Variants in P2RX6 observed in about 807,000 individuals in gnomAD.
P2RX6 encodes the protein P2X purinoceptor 6.
A neutral mutation model predicts 54.2 loss-of-function variants in P2RX6; 62 were observed. The observed-to-expected ratio is 1.14, with a 90% CI of 0.93 to 1.41. The LOEUF is 1.41. Among genes scored for constraint, P2RX6 ranks in the 40% most tolerant of loss-of-function variants. The pLI is 0.00. For synonymous variants in P2RX6, 211 were observed against 231.9 expected (o/e 0.91, Z 0.82); for missense variants, 541 against 566.3 (o/e 0.96, Z 0.45).
At chr22:21,012,603 G>C, upstream of P2RX6, 2 of 606,096 alleles carry the variant, frequency 3.3e-6, no homozygotes, top group Non-Finnish European at 6.2e-6. Flanking sequence ...TGTCCCAAAA[G>C]TTCAGCCACT....
At chr22:21,015,059 G>A, upstream of P2RX6, 4 of 594,448 alleles carry the variant, frequency 6.7e-6, no homozygotes, top group African/African-American at 2.0e-5. Flanking sequence ...GGGTGTTGGA[G>A]GCTGGATCTG....
intron 8 of P2RX6, among the ~76,000 whole-genome samples, chr22:21,024,598 C>T (rs956962997): frequency 2.1e-5 from 3 of 144,746 alleles, no homozygotes; most frequent in Admixed American, 6.9e-5. Context: ...ACGGAGTTTT[C>T]ACTTTCTTGT....
Position 21,022,745 on chromosome 22 carries a change from A to T in P2RX6, c.457A>T (p.Ser153Cys). 1 of 1,569,288 alleles carries T rather than the reference A, an allele frequency of 6.4e-7. No homozygotes were observed. Among genetic ancestry groups the T allele is most frequent in the Non-Finnish European group, 8.6e-7 (1 of 1,159,620 alleles). The change falls in exon 4 of 12, where the codon AGC becomes TGC. Residue 153 changes from serine to cysteine, a missense_variant. By Grantham distance (112) the Ser-to-Cys change is moderately radical. This residue lies in a region of P2RX6 where 526 missense variants were observed against 531.5 expected (regional missense o/e 0.99). Coordinates refer to ENST00000413302, the MANE Select transcript of P2RX6 (RefSeq NM_005446.5). ...CCCCGAAGGGGAGGGAGGCACACACAGCCACGGTAACTGTGGGCTCTGTCT... is the reference window on the plus strand; with the variant it reads ...CCCCGAAGGGGAGGGAGGCACACACTGCCACGGTAACTGTGGGCTCTGTCT... ...DCPEGEGGTH[S>C]HGVKTGQCVV...
Position 21,027,665 on chromosome 22 carries a change from G to A in P2RX6, c.*1048G>A, listed in dbSNP as rs1928680462. 1 of 152,250 alleles carries A rather than the reference G, an allele frequency of 6.6e-6. No homozygotes were observed. Among genetic ancestry groups the A allele is most frequent in the African/African-American group, 2.4e-5 (1 of 41,378 alleles). 9.4% of individuals were successfully genotyped at this position (152,250 alleles called of 1,614,324 possible). A position where few individuals can be genotyped will look rare whatever the true frequency, so the allele number is the denominator to read the frequency against. On this transcript the variant is annotated 3_prime_UTR_variant, in exon 12 of 12. Coordinates refer to ENST00000413302, the MANE Select transcript of P2RX6 (RefSeq NM_005446.5). ...CTCCTCTTGGTCCCAGGGCGGGGCA[G>A]GGAATTCTAAGTGTCCACCCCAGGG...
chr22:21,019,172 G>C (rs1294153150), intron 3 of P2RX6, among the ~76,000 whole-genome samples: 1 of 152,212 alleles, frequency 6.6e-6, no homozygotes, highest in African/African-American at 2.4e-5. Flanking sequence ...CTTTAGGCAA[G>C]TCCAACATTT....
At chr22:21,012,314 G>T (rs1006737037), upstream of P2RX6, among the ~76,000 whole-genome samples, 4 of 152,156 alleles carry the variant, frequency 2.6e-5, no homozygotes, top group African/African-American at 9.7e-5. Context: ...GTGGGGTAGG[G>T]TGGATGAGGA....
intron 3 of P2RX6, chr22:21,018,566 C>T: frequency 5.7e-6 from 1 of 173,914 alleles, no homozygotes; most frequent in Non-Finnish European, 1.3e-5. Context: ...CAACACAGCA[C>T]ACTCTTGCTC....
intron 2 of P2RX6, among the ~76,000 whole-genome samples, chr22:21,017,070 C>CATGCA (rs1305329652): frequency 6.6e-6 from 1 of 152,178 alleles, no homozygotes; most frequent in Non-Finnish European, 1.5e-5. Context: ...CATGCCATGC[C>CATGCA]ATGCATGAGA....
chr22:21,015,197 C>T lies in P2RX6; in HGVS notation c.23C>T (p.Ala8Val). The stretch of plus-strand genomic sequence containing the variant: ...CTCATGTGCCCGCAGCTAGCAGGAG[C>T]TGGCAGCATGGGCTCCCCAGGGGCT... MCPQLAG[A>V]GSMGSPGATT... The change falls in exon 1 of 12, where the codon GCT becomes GTT. Residue 8 changes from alanine to valine, a missense_variant. By Grantham distance (64) the Ala-to-Val change is moderately conservative. Coordinates refer to ENST00000413302, the MANE Select transcript of P2RX6 (RefSeq NM_005446.5). 1.3e-6 allele frequency: 2 copies of T among 1,518,158 alleles called. No homozygotes were observed. The highest frequency in any genetic ancestry group is 1.8e-6 in the Non-Finnish European group (2 of 1,142,226). 94.0% of individuals were successfully genotyped at this position (1,518,158 alleles called of 1,614,324 possible). A position where few individuals can be genotyped will look rare whatever the true frequency, so the allele number is the denominator to read the frequency against.
chr22:21,024,266 C>T (rs1035783904), intron 8 of P2RX6, among the ~76,000 whole-genome samples: 6 of 150,462 alleles, frequency 4.0e-5, no homozygotes, highest in Non-Finnish European at 8.9e-5. Context: ...GCCTCCCTTC[C>T]GCTTTTACCT....
intron 8 of P2RX6, among the ~76,000 whole-genome samples, chr22:21,024,728 A>T (rs575704129): frequency 6.6e-6 from 1 of 150,492 alleles, no homozygotes; most frequent in Non-Finnish European, 1.5e-5. Flanking sequence ...GCACCACCAC[A>T]CCCAACTAAT....
At position 21,023,533 on chromosome 22, in the gene P2RX6, C is replaced by A. The variant is rs1191250935; in HGVS notation, c.805C>A (p.His269Asn). 6.2e-7 allele frequency: 1 copy of A among 1,613,688 alleles called. No individual in the cohort carries two copies. The highest frequency in any genetic ancestry group is 8.5e-7 in the Non-Finnish European group (1 of 1,179,812). Residue 269 changes from histidine to asparagine, a missense_variant, in exon 8 of 12, where the codon CAC becomes AAC. His to Asn is a moderately conservative substitution (Grantham distance 68). This residue lies in a region of P2RX6 where 526 missense variants were observed against 531.5 expected (regional missense o/e 0.99). Transcript: ENST00000413302. Reference protein sequence around the residue: ...LLGGSVGIRVHWDCDLDTGDS... With the variant: ...LLGGSVGIRVNWDCDLDTGDS... ...GGGTGGCTCTGTAGGCATCAGAGTT[C>A]ACTGGGATTGTGACCTGGACACCGG... is the stretch of plus-strand genomic sequence containing the variant.
At chr22:21,011,663 A>G, upstream of P2RX6, 1 of 635,994 alleles carries the variant, frequency 1.6e-6, no homozygotes, top group Non-Finnish European at 2.9e-6. Context: ...CTCTTCTGCC[A>G]TCCCCCAAAC....
rs139460402 is a variant in P2RX6, at chr22:21,023,280, A to G, written c.644A>G (p.Asn215Ser). The part of the protein sequence containing the change: ...TFSKFNFSKS[N>S]ALETWDPTYF... The stretch of plus-strand genomic sequence containing the variant: ...ACCTTTCCCACTCCTCCCAGGTCCA[A>G]TGCCTTGGAGACCTGGGACCCCACC... The change falls in exon 7 of 12, where the codon AAT becomes AGT. Residue 215 changes from asparagine (N) to serine (S), a missense_variant. Transcript: ENST00000413302. 1.2e-5 allele frequency: 19 copies of G among 1,613,828 alleles called. No individual in the cohort carries two copies. Among genetic ancestry groups the G allele is most frequent in the Non-Finnish European group, 1.5e-5 (18 of 1,179,822 alleles).
Position 21,026,343 on chromosome 22 carries a change from G to A in P2RX6, c.1128+14G>A, listed in dbSNP as rs771980572. The A allele has an allele frequency of 7.1e-5, 114 of 1,596,366 alleles. 3 individuals carry two copies. The South Asian group carries it at 7.9e-4, about 11-fold the overall frequency. The stretch of plus-strand genomic sequence containing the variant: ...AAGTATGAGGAGGTGAGCTGAGGTC[G>A]CTCTGCTTGGACCCTGGGTTCTGCC... On this transcript the variant is annotated intron_variant, in intron 11 of 11. Coordinates refer to ENST00000413302, the MANE Select transcript of P2RX6 (RefSeq NM_005446.5). The surrounding 1 kb of genome is among the most constrained non-coding windows in gnomAD (Gnocchi z 4.0).
chr22:21,011,849 C>T (rs982371082), upstream of P2RX6, among the ~76,000 whole-genome samples: 3 of 152,198 alleles, frequency 2.0e-5, no homozygotes, highest in Non-Finnish European at 2.9e-5. Flanking sequence ...GTAGAGACTG[C>T]TGTGGTGGGG....
chr22:21,023,096 G>A, intron 5 of P2RX6, 22 bp from the exon 6 acceptor site: 1 of 1,613,508 alleles, frequency 6.2e-7, no homozygotes, highest in Non-Finnish European at 8.5e-7. Context: ...GGCAGAGGCT[G>A]TCACCTCCCT....
Position 21,023,046 on chromosome 22 carries a change from C to G in P2RX6, c.557+11C>G, listed in dbSNP as rs1180841306. On this transcript the variant is annotated intron_variant, in intron 5 of 11. Coordinates refer to ENST00000413302, the MANE Select transcript of P2RX6 (RefSeq NM_005446.5). ...TGGCGTTGTGCCCTCGTAAGTGTCC[C>G]CACAATCCCCTACCCCAACTGGCGC... 6.2e-7 allele frequency: 1 copy of G among 1,612,372 alleles called. No homozygotes were observed. Among genetic ancestry groups the G allele is most frequent in the Non-Finnish European group, 8.5e-7 (1 of 1,178,690 alleles).
chr22:21,019,582 G>T (rs1280012975), intron 3 of P2RX6, among the ~76,000 whole-genome samples: 1 of 152,238 alleles, frequency 6.6e-6, no homozygotes. Context: ...TCAAAGTGCT[G>T]GGATTACAGG....
Sources: gnomAD v4.1 joint callset for allele counts (sites outside exome capture counted in the v4.1 genomes callset) on GRCh38, gnomAD v4.1.1 for gene constraint, gnomAD v4.1.1 regional missense constraint, Gnocchi (gnomAD v3.1) non-coding constraint, MANE v1.5 for transcripts, NCBI Gene and HGNC (gene_info 2026-07-23, HGNC 2026-07-21) for gene names.